HS6ST2: variants seen among roughly 807,000 people sequenced by gnomAD.
HS6ST2 encodes heparan sulfate 6-O-sulfotransferase 2.
Under a neutral mutation model 33.0 loss-of-function variants are expected in HS6ST2, and 17 were observed. The observed-to-expected ratio is 0.52, with a 90% CI of 0.35 to 0.77. HS6ST2 has a LOEUF of 0.77. Among genes scored for constraint, HS6ST2 ranks in the 30% least tolerant of loss-of-function variants. The probability of loss-of-function intolerance (pLI) is 0.01; values close to 1 mark genes in which losing one functional copy is unlikely to be tolerated. For synonymous variants in HS6ST2, 248 were observed against 237.1 expected, an observed-to-expected ratio of 1.05 and a Z score of -0.42; for missense variants, 519 against 551.7, an observed-to-expected ratio of 0.94 and a Z score of 0.59.
chrX:132,875,940 A>T (rs891784891), intron 2 of HS6ST2, among the ~76,000 whole-genome samples: 1 of 103,910 alleles, frequency 9.6e-6, no homozygotes, highest in Admixed American at 1.0e-4. Context: ...GTGATCCAAG[A>T]AAAAAAAAAA....
At chrX:132,661,955 A>G (rs1569478588) in intron 4 of HS6ST2, among the ~76,000 whole-genome samples, 1 of 103,907 alleles carries the variant, frequency 9.6e-6, no homozygotes, top group Non-Finnish European at 2.0e-5. Flanking sequence ...ACTGTACTCC[A>G]GCCTGGGTTG....
At chrX:132,878,823 T>C (rs1424661582) in intron 2 of HS6ST2, among the ~76,000 whole-genome samples, 1 of 111,338 alleles carries the variant, frequency 9.0e-6, no homozygotes, top group African/African-American at 3.3e-5. Flanking sequence ...TTTTCTTGGA[T>C]ATTACGACTC....
At chrX:132,880,836 A>T (rs1328946412) in intron 2 of HS6ST2, among the ~76,000 whole-genome samples, 1 of 98,732 alleles carries the variant, frequency 1.0e-5, no homozygotes, top group Non-Finnish European at 2.0e-5. Context: ...GTCCAAGTGT[A>T]CTCATTGTTC....
chrX:132,868,386 T>C (rs1362769188), intron 2 of HS6ST2, among the ~76,000 whole-genome samples: 1 of 111,732 alleles, frequency 8.9e-6, no homozygotes, highest in Non-Finnish European at 1.9e-5. Flanking sequence ...CAAAAAATTA[T>C]CAAGGATATT....
intron 2 of HS6ST2, among the ~76,000 whole-genome samples, chrX:132,904,586 C>T (rs1353211714): frequency 9.4e-6 from 1 of 106,421 alleles, no homozygotes; most frequent in Non-Finnish European, 1.9e-5. Context: ...CACTCTCGCT[C>T]AGGCCGTAAT....
rs371605271 is a variant in HS6ST2, at chrX:132,887,007, C to T, written c.947+69801G>A. ...AAAATTAGCTGAGCGTAGTGGCACA[C>T]ACCTGTAGTCCCAGCTACTCAGGAG... On this transcript the variant is annotated intron_variant, in intron 2 of 4. Transcript: ENST00000370833. Among the ~76,000 whole-genome samples the T allele has an allele frequency of 2.0e-4, 22 of 110,648 alleles. No individual in the cohort carries two copies. In the East Asian group the frequency reaches 2.3e-3, roughly 12 times the overall value.
chrX:132,920,522 C>T (rs2066641352), intron 2 of HS6ST2, among the ~76,000 whole-genome samples: 1 of 112,013 alleles, frequency 8.9e-6, no homozygotes, highest in African/African-American at 3.2e-5. Flanking sequence ...CTAAAATTCT[C>T]AGTAATTCAA....
At chrX:132,783,879 G>T (rs1232972725) in intron 2 of HS6ST2, among the ~76,000 whole-genome samples, 1 of 111,623 alleles carries the variant, frequency 9.0e-6, no homozygotes, top group African/African-American at 3.3e-5. Flanking sequence ...CACTGGGAGA[G>T]TCATAAAGTA....
At chrX:132,940,026 C>T (rs184264689) in intron 2 of HS6ST2, among the ~76,000 whole-genome samples, 34 of 112,058 alleles carry the variant, frequency 3.0e-4, no homozygotes, top group Non-Finnish European at 1.7e-4. Context: ...ATAAAAGATT[C>T]GCACTTCCTG....
At chrX:132,889,171 G>C (rs896995181) in intron 2 of HS6ST2, among the ~76,000 whole-genome samples, 7 of 110,494 alleles carry the variant, frequency 6.3e-5, no homozygotes, top group Non-Finnish European at 1.3e-4. Context: ...GCATCCAAGA[G>C]AGCATTCAAG....
chrX:132,836,056 A>AT (rs2065640562), intron 2 of HS6ST2, among the ~76,000 whole-genome samples: 1 of 111,705 alleles, frequency 9.0e-6, no homozygotes, highest in Admixed American at 9.5e-5. Context: ...ATCTCTACAC[A>AT]TTTTTTAGGC....
At chrX:132,668,418 A>T (rs2063826964) in intron 4 of HS6ST2, 1 of 110,820 alleles carries the variant, frequency 9.0e-6, no homozygotes, top group Non-Finnish European at 1.9e-5. Flanking sequence ...GAGGTATGTC[A>T]TCTGCGTGGG....
At chrX:132,788,116 G>A (rs2148339338) in intron 2 of HS6ST2, among the ~76,000 whole-genome samples, 1 of 111,425 alleles carries the variant, frequency 9.0e-6, no homozygotes, top group Non-Finnish European at 1.9e-5. Context: ...GTAGAGACAA[G>A]CATACCTCAT....
intron 4 of HS6ST2, among the ~76,000 whole-genome samples, chrX:132,637,928 ATT>A (rs2063573392): frequency 1.9e-5 from 1 of 52,698 alleles, no homozygotes; most frequent in Non-Finnish European, 3.4e-5. Flanking sequence ...TTATATATAT[ATT>A]ATATATAATA....
At chrX:132,764,891 A>G (rs1179987984) in intron 2 of HS6ST2, among the ~76,000 whole-genome samples, 1 of 112,217 alleles carries the variant, frequency 8.9e-6, no homozygotes, top group East Asian at 2.8e-4. Context: ...CGTACTGCAG[A>G]ACAAACAAGC....
rs781440295 is a variant in HS6ST2, at chrX:132,945,027, G to T, written c.947+11781C>A. On this transcript the variant is annotated intron_variant, in intron 2 of 4. Coordinates refer to ENST00000370833, the MANE Select transcript of HS6ST2 (RefSeq NM_001394073.1). ...ATGATATCTAATTAAACTCAAGAGC[G>T]TCTGCACAGCAAAAGAAACTACCAT... Among the ~76,000 whole-genome samples the T allele has an allele frequency of 1.9e-4, 21 of 111,605 alleles. No homozygotes were observed. In the South Asian group the frequency reaches 5.3e-3, roughly 28 times the overall value.
intron 2 of HS6ST2, among the ~76,000 whole-genome samples, chrX:132,931,985 G>C (rs1404015909): frequency 9.2e-6 from 1 of 109,104 alleles, no homozygotes; most frequent in South Asian, 4.1e-4. Flanking sequence ...AGGAGATCGA[G>C]ACCATCCTGG....
At chrX:132,754,989 G>A (rs763372686) in intron 2 of HS6ST2, among the ~76,000 whole-genome samples, 64 of 111,558 alleles carry the variant, frequency 5.7e-4, no homozygotes, top group Middle Eastern at 9.2e-3. Context: ...TGGGATTTCC[G>A]GCATGCGGCA....
At chrX:132,786,010 A>T (rs1165225708) in intron 2 of HS6ST2, among the ~76,000 whole-genome samples, 1 of 111,508 alleles carries the variant, frequency 9.0e-6, no homozygotes, top group Non-Finnish European at 1.9e-5. Flanking sequence ...GTGTGACCCC[A>T]TAGGCAAGTC....
Sources: allele counts gnomAD v4.1 joint callset (sites outside exome capture counted in the v4.1 genomes callset), GRCh38; gene constraint gnomAD v4.1.1; transcripts MANE v1.5; gene names NCBI Gene and HGNC (gene_info 2026-07-23, HGNC 2026-07-21).